Variants in FAM13C observed in about 807,000 individuals in gnomAD.
FAM13C encodes family with sequence similarity 13 member C.
A neutral mutation model predicts 73.2 loss-of-function variants in FAM13C; 37 were observed. The ratio of observed to expected loss-of-function variants is 0.51; its 90% CI spans 0.39 to 0.67. The LOEUF (loss-of-function observed/expected upper bound fraction) is 0.67, where lower values mean the gene tolerates loss of function less well. Ranked by LOEUF, FAM13C falls within the 30% of genes least tolerant of loss-of-function variation. The pLI is 0.00. For missense variants in FAM13C, 589 were observed against 715.6 expected (o/e 0.82, Z 2.02); for synonymous variants, 246 against 260.9 (o/e 0.94, Z 0.55).
chr10:59,353,511 G>A (rs933141954), intron 2 of FAM13C, among the ~76,000 whole-genome samples: 6 of 152,192 alleles, frequency 3.9e-5, no homozygotes, highest in African/African-American at 1.2e-4. Flanking sequence ...CCATAAAACA[G>A]CATTTGCAAA....
At chr10:59,261,057 A>T (rs1842458524) in intron 10 of FAM13C, among the ~76,000 whole-genome samples, 1 of 152,160 alleles carries the variant, frequency 6.6e-6, no homozygotes. Context: ...GTTGACCAAG[A>T]TGCTTTAATA....
intron 5 of FAM13C, among the ~76,000 whole-genome samples, chr10:59,293,338 A>T (rs1846512200): frequency 1.3e-5 from 2 of 152,058 alleles, no homozygotes; most frequent in Non-Finnish European, 2.9e-5. Flanking sequence ...GGCCTCCCAA[A>T]GTGCTGGGAT....
intron 12 of FAM13C, 131 bp from the exon 13 acceptor site, chr10:59,251,807 A>ATG: frequency 4.5e-6 from 3 of 672,152 alleles, no homozygotes; most frequent in Non-Finnish European, 7.4e-6. Flanking sequence ...GTATCTTTTG[A>ATG]GTAAATATGA....
rs927045581 is a variant in FAM13C, at chr10:59,246,792, A to G, written c.*822T>C. On this transcript the variant is annotated 3_prime_UTR_variant, in exon 14 of 14. Coordinates refer to ENST00000618804, the MANE Select transcript of FAM13C (RefSeq NM_198215.4). ...ATATTCCCAATGAAAAAATAGTTAT[A>G]TCATCTTATAGTAAACCAAAAGATT... is the stretch of plus-strand genomic sequence containing the variant. 38 of 392,964 alleles carry G rather than the reference A, an allele frequency of 9.7e-5. No individual in the cohort carries two copies. Among genetic ancestry groups the G allele is most frequent in the Non-Finnish European group, 1.2e-4 (27 of 222,468 alleles). 24.3% of individuals were successfully genotyped at this position (392,964 alleles called of 1,614,324 possible).
chr10:59,339,804 T>G (rs1282507831), intron 3 of FAM13C, among the ~76,000 whole-genome samples: 3 of 152,206 alleles, frequency 2.0e-5, no homozygotes, highest in Non-Finnish European at 4.4e-5. Flanking sequence ...TAGGGCAGGT[T>G]GTTTTCAAAA....
chr10:59,287,295 C>T (rs184912574), intron 5 of FAM13C, among the ~76,000 whole-genome samples: 1 of 114,802 alleles, frequency 8.7e-6, no homozygotes, highest in Non-Finnish European at 1.6e-5. Flanking sequence ...GGAGATCATG[C>T]CACTGCACTC....
chr10:59,287,210 G>T (rs1374226335), intron 5 of FAM13C, among the ~76,000 whole-genome samples: 1 of 148,608 alleles, frequency 6.7e-6, no homozygotes, highest in Admixed American at 6.7e-5. Context: ...GGTTGGGGGC[G>T]CCAGTAGTCC....
At chr10:59,314,131 C>G (rs763180649) in intron 4 of FAM13C, among the ~76,000 whole-genome samples, 10 of 152,182 alleles carry the variant, frequency 6.6e-5, no homozygotes, top group Middle Eastern at 3.4e-3. Flanking sequence ...GAGCTGGGCT[C>G]TGAGATGAGA....
intron 5 of FAM13C, among the ~76,000 whole-genome samples, chr10:59,298,522 GT>G (rs2133833226): frequency 6.6e-6 from 1 of 152,266 alleles, no homozygotes; most frequent in East Asian, 1.9e-4. Flanking sequence ...GGTTGGGTGA[GT>G]ATAATAAAGA....
At chr10:59,275,994 T>C (rs1391100476) in intron 6 of FAM13C, among the ~76,000 whole-genome samples, 1 of 152,162 alleles carries the variant, frequency 6.6e-6, no homozygotes, top group Non-Finnish European at 1.5e-5. Flanking sequence ...GCAAAGCTCC[T>C]TTCTTCATAG....
intron 4 of FAM13C, 116 bp downstream of exon 4, chr10:59,323,872 A>G (rs1261845783): frequency 5.6e-6 from 5 of 894,460 alleles, no homozygotes; most frequent in Non-Finnish European, 9.5e-6. Context: ...TTCTGACTAT[A>G]AGGAATGCCA....
chr10:59,247,796 C>T, intron 13 of FAM13C, 59 bp from the exon 14 acceptor site: 1 of 1,535,852 alleles, frequency 6.5e-7, no homozygotes, highest in South Asian at 1.2e-5. Flanking sequence ...TTTAAACATT[C>T]TTTTATAATT....
rs1165025189 is a variant in FAM13C at position 59,264,160 on chromosome 10, G to A, written c.949C>T (p.His317Tyr). ...TCAGGATTAGAAGTCTTGTCACCAT[G>A]TGAAGGCTACCAAGGGAAGGAAAAA... ...FEQEKKYRPS[H>Y]GDKTSNPEVL... Residue 317 changes from histidine to tyrosine, a missense_variant, in exon 9 of 14, where the codon CAT (histidine) becomes TAT (tyrosine). Coordinates refer to ENST00000618804, the MANE Select transcript of FAM13C (RefSeq NM_198215.4). The A allele has an allele frequency of 1.2e-6, 2 of 1,601,542 alleles. No individual in the cohort carries two copies. Among genetic ancestry groups the A allele is most frequent in the African/African-American group, 1.3e-5 (1 of 74,192 alleles).
chr10:59,362,380 A>G lies in FAM13C; in HGVS notation c.62+19T>C. 6.2e-7 allele frequency: 1 copy of G among 1,613,164 alleles called. No homozygotes were observed. Among genetic ancestry groups the G allele is most frequent in the Non-Finnish European group, 8.5e-7 (1 of 1,179,630 alleles). On this transcript the variant is annotated intron_variant, in intron 1 of 13. Transcript: ENST00000618804. ...GAGAAAGGCATGCAAGTCTAATTTT[A>G]ATGGTAAGAATCACTTACTCTGTTA...
chr10:59,289,030 C>G (rs916379240), intron 5 of FAM13C, among the ~76,000 whole-genome samples: 2 of 152,170 alleles, frequency 1.3e-5, no homozygotes, highest in Non-Finnish European at 2.9e-5. Context: ...CTTTTTGGCA[C>G]CAGGGACCGG....
chr10:59,282,869 A>T (rs2133686963), intron 6 of FAM13C: 1 of 154,292 alleles, frequency 6.5e-6, no homozygotes, highest in Middle Eastern at 3.4e-3. Flanking sequence ...ACAATACAGG[A>T]TCAGAATGAG....
chr10:59,251,349 T>C, intron 13 of FAM13C: 1 of 477,960 alleles, frequency 2.1e-6, no homozygotes, highest in East Asian at 3.2e-5. Flanking sequence ...GTTTATCCTT[T>C]ATTTTTTACA....
chr10:59,275,259 T>C (rs1589422653), intron 6 of FAM13C, among the ~76,000 whole-genome samples: 1 of 152,170 alleles, frequency 6.6e-6, no homozygotes, highest in Non-Finnish European at 1.5e-5. Flanking sequence ...GAATGATTCA[T>C]CTCAAGTGGC....
chr10:59,266,239 G>A (rs879269930), intron 8 of FAM13C, among the ~76,000 whole-genome samples: 4 of 152,100 alleles, frequency 2.6e-5, no homozygotes, highest in African/African-American at 4.8e-5. Context: ...TGTGGCTGAC[G>A]CAGCCTTTTC....
Sources: gnomAD v4.1 joint callset for allele counts (sites outside exome capture counted in the v4.1 genomes callset) on GRCh38, gnomAD v4.1.1 for gene constraint, MANE v1.5 for transcripts, NCBI Gene and HGNC (gene_info 2026-07-23, HGNC 2026-07-21) for gene names.